ALCAM: variants seen among roughly 807,000 people sequenced by gnomAD.
The protein encoded by ALCAM is CD166 antigen.
A neutral mutation model predicts 70.9 loss-of-function variants in ALCAM; 30 were observed. The ratio of observed to expected loss-of-function variants is 0.42; its 90% confidence interval spans 0.32 to 0.57. The LOEUF is 0.57. Ranked by LOEUF, ALCAM falls within the 20% of genes least tolerant of loss-of-function variation. The pLI is 0.11. For missense variants in ALCAM, 591 were observed against 695.1 expected, an observed-to-expected ratio of 0.85 and a Z score of 1.68; for synonymous variants, 249 against 242.5, an observed-to-expected ratio of 1.03 and a Z score of -0.25.
intron 1 of ALCAM, among the ~76,000 whole-genome samples, chr3:105,372,843 C>G (rs1433623594): frequency 1.3e-5 from 2 of 152,062 alleles, no homozygotes; most frequent in African/African-American, 4.8e-5. Context: ...CTAAAAACAT[C>G]TATGAGATGA....
At chr3:105,436,951 G>C (rs1937063451) in intron 1 of ALCAM, among the ~76,000 whole-genome samples, 1 of 152,164 alleles carries the variant, frequency 6.6e-6, no homozygotes, top group Non-Finnish European at 1.5e-5. Context: ...GAAAAAGAGA[G>C]TCAGAAAGGG....
At chr3:105,414,726 A>C (rs1244048661) in intron 1 of ALCAM, among the ~76,000 whole-genome samples, 2 of 152,238 alleles carry the variant, frequency 1.3e-5, no homozygotes, top group East Asian at 3.9e-4. Context: ...GGGGGACATA[A>C]ATTTTAAAAG....
chr3:105,517,238 A>G lies in ALCAM; in HGVS notation c.74-2829A>G, dbSNP rs369899464. Among the ~76,000 whole-genome samples the G allele has an allele frequency of 9.9e-5, 15 of 152,150 alleles. No individual in the cohort carries two copies. In the East Asian group the frequency reaches 1.3e-3, roughly 14 times the overall value. On this transcript the variant is annotated intron_variant, in intron 1 of 15. Coordinates refer to ENST00000306107, the MANE Select transcript of ALCAM (RefSeq NM_001627.4). ...TGGGAGTCAGTATACTCTCACAAGA[A>G]GAGAGAAGTTGATTATTATAGCAAA...
intron 1 of ALCAM, among the ~76,000 whole-genome samples, chr3:105,473,934 C>A (rs1187648376): frequency 6.6e-6 from 1 of 150,998 alleles, no homozygotes; most frequent in African/African-American, 2.4e-5. Flanking sequence ...TCTGTCACAT[C>A]TAATTATTCA....
At chr3:105,421,320 G>A (rs1936646704) in intron 1 of ALCAM, among the ~76,000 whole-genome samples, 1 of 151,398 alleles carries the variant, frequency 6.6e-6, no homozygotes, top group South Asian at 2.1e-4. Context: ...TAGAAAAGGA[G>A]AATTGTGTTT....
chr3:105,438,731 C>T (rs867630384), intron 1 of ALCAM, among the ~76,000 whole-genome samples: 15 of 152,156 alleles, frequency 9.9e-5, no homozygotes, highest in South Asian at 8.3e-4. Flanking sequence ...TATAGAGACA[C>T]AGCCCAGATG....
At chr3:105,397,952 G>A (rs1467682317) in intron 1 of ALCAM, among the ~76,000 whole-genome samples, 4 of 152,078 alleles carry the variant, frequency 2.6e-5, no homozygotes, top group Non-Finnish European at 5.9e-5. Flanking sequence ...ACTGTGTTAA[G>A]TTGGATGCTA....
At chr3:105,459,935 A>G (rs990451665) in intron 1 of ALCAM, among the ~76,000 whole-genome samples, 1 of 152,074 alleles carries the variant, frequency 6.6e-6, no homozygotes, top group Admixed American at 6.6e-5. Context: ...TGTATAATGC[A>G]GTAGAAGTAC....
intron 6 of ALCAM, among the ~76,000 whole-genome samples, chr3:105,537,875 CAAAT>C (rs1375059381): frequency 1.3e-5 from 2 of 151,934 alleles, no homozygotes; most frequent in African/African-American, 2.4e-5. Context: ...AGATGCCAAA[CAAAT>C]GAATAAATGA....
intron 1 of ALCAM, among the ~76,000 whole-genome samples, chr3:105,443,535 T>C (rs554992666): frequency 2.0e-5 from 3 of 152,320 alleles, no homozygotes; most frequent in Admixed American, 1.3e-4. Flanking sequence ...AATTCATTAA[T>C]AAAAAGTATA....
intron 14 of ALCAM, among the ~76,000 whole-genome samples, chr3:105,569,425 A>C (rs1940817360): frequency 6.6e-6 from 1 of 152,168 alleles, no homozygotes; most frequent in Admixed American, 6.5e-5. Flanking sequence ...TAGCTATTAG[A>C]ATAATCAAAG....
intron 1 of ALCAM, among the ~76,000 whole-genome samples, chr3:105,411,645 C>A (rs559923665): frequency 1.5e-4 from 23 of 152,086 alleles, no homozygotes; most frequent in African/African-American, 5.3e-4. Flanking sequence ...TATTATTCAT[C>A]AAAAATGAGC....
intron 1 of ALCAM, among the ~76,000 whole-genome samples, chr3:105,434,500 A>G (rs928129777): frequency 6.6e-6 from 1 of 152,032 alleles, no homozygotes; most frequent in African/African-American, 2.4e-5. Context: ...CTTCAAAAAT[A>G]TGAGATTATT....
chr3:105,504,384 GAAGAATCAGATCACGT>G (rs1939005957), intron 1 of ALCAM, among the ~76,000 whole-genome samples: 1 of 152,228 alleles, frequency 6.6e-6, no homozygotes. Flanking sequence ...TGGTGTACCG[GAAGAATCAGATCACGT>G]ATGGGCTTGG....
chr3:105,497,584 T>G (rs9863750), intron 1 of ALCAM, among the ~76,000 whole-genome samples: 1 of 151,982 alleles, frequency 6.6e-6, no homozygotes, highest in Non-Finnish European at 1.5e-5. Flanking sequence ...ATCATGGTTT[T>G]GTGGTGACAT....
chr3:105,417,516 A>G (rs1217809872), intron 1 of ALCAM, among the ~76,000 whole-genome samples: 3 of 151,654 alleles, frequency 2.0e-5, no homozygotes, highest in Non-Finnish European at 4.4e-5. Context: ...GGCTTTGTTA[A>G]CCATTCAAAC....
intron 1 of ALCAM, among the ~76,000 whole-genome samples, chr3:105,480,047 A>G (rs1938226740): frequency 6.6e-6 from 1 of 152,144 alleles, no homozygotes; most frequent in Non-Finnish European, 1.5e-5. Flanking sequence ...AAACAAATTA[A>G]TGATGCCCCC....
intron 11 of ALCAM, among the ~76,000 whole-genome samples, 190 bp from the exon 12 acceptor site, chr3:105,549,937 T>C (rs2152631467): frequency 6.6e-6 from 1 of 151,398 alleles, no homozygotes; most frequent in East Asian, 1.9e-4. Flanking sequence ...AAACAGAAAT[T>C]TCATTATGGA....
In ALCAM at chr3:105,485,621, TATC is replaced by T. The variant is rs534113235; in HGVS notation, c.74-34442_74-34440del. Among the ~76,000 whole-genome samples, 57 of 152,168 alleles carry T rather than the reference TATC, an allele frequency of 3.7e-4. No homozygotes were observed. In the East Asian group the frequency reaches 0.011, roughly 29 times the overall value. On this transcript the variant is annotated intron_variant, in intron 1 of 15. Coordinates refer to ENST00000306107, the MANE Select transcript of ALCAM (RefSeq NM_001627.4). ...ACACATAGTAAATATTTATTACTATTATCATCTGTGTTATTGTATGAAAATCAT... is the reference window on the plus strand; with the variant it reads ...ACACATAGTAAATATTTATTACTATTATCTGTGTTATTGTATGAAAATCAT...
Sources: allele counts gnomAD v4.1 joint callset (sites outside exome capture counted in the v4.1 genomes callset), GRCh38; gene constraint gnomAD v4.1.1; transcripts MANE v1.5; gene names NCBI Gene and HGNC (gene_info 2026-07-23, HGNC 2026-07-21).